CASD1: variants seen among roughly 807,000 people sequenced by gnomAD.
CASD1 encodes CAS1 domain sialic acid O acetyltransferase 1, also known as N-acetylneuraminate (7)9-O-acetyltransferase.
CASD1 carries 41 observed loss-of-function variants against 100.0 expected under a neutral mutation model. The ratio of observed to expected loss-of-function variants is 0.41; its 90% CI spans 0.32 to 0.53. CASD1 has a LOEUF of 0.53. Among genes scored for constraint, CASD1 ranks in the 20% least tolerant of loss-of-function variants. The pLI is 0.25. For synonymous variants in CASD1, 321 were observed against 315.6 expected (o/e 1.02, Z -0.18); for missense variants, 774 against 948.7 (o/e 0.82, Z 2.42).
At position 94,519,782 on chromosome 7, in the gene CASD1, C is replaced by T. The variant is rs574189365; in HGVS notation, c.351+1459C>T. On this transcript the variant is annotated intron_variant, in intron 3 of 17. Transcript: ENST00000297273. ...TTGGCCTCCCAAAGTGCTGGAATTA[C>T]AGGCATGAGCCACTGTGCCCAGCCT... Among the ~76,000 whole-genome samples the T allele has an allele frequency of 3.9e-5, 6 of 152,326 alleles. No individual in the cohort carries two copies. In the East Asian group the frequency reaches 9.6e-4, roughly 24 times the overall value.
chr7:94,533,853 G>C, intron 7 of CASD1, 51 bp downstream of exon 7: 1 of 1,437,030 alleles, frequency 7.0e-7, no homozygotes, highest in Non-Finnish European at 9.2e-7. Flanking sequence ...TTTGAAGCAT[G>C]GGTTTTTATT....
intron 13 of CASD1, among the ~76,000 whole-genome samples, chr7:94,548,983 G>A (rs532778494): frequency 4.9e-4 from 75 of 151,884 alleles, no homozygotes; most frequent in African/African-American, 1.8e-3. Flanking sequence ...ATGGAATTTG[G>A]GTATGGTTGA....
chr7:94,576,463 T>C, the CASD1 span, among the ~76,000 whole-genome samples: 3 of 152,212 alleles, frequency 2.0e-5, no homozygotes, highest in Non-Finnish European at 4.4e-5. Context: ...ACACCTGTTT[T>C]TGTATGATTA....
chr7:94,584,774 G>A, the CASD1 span, among the ~76,000 whole-genome samples: 1 of 152,116 alleles, frequency 6.6e-6, no homozygotes, highest in Admixed American at 6.5e-5. Flanking sequence ...TGGGGTTTTG[G>A]AGCTAACTGA....
At chr7:94,627,156 A>G in the CASD1 span, 4 of 152,088 alleles carry the variant, frequency 2.6e-5, no homozygotes, top group Non-Finnish European at 4.4e-5. Flanking sequence ...ACAAACTTCA[A>G]TTCCAACTGA....
chr7:94,544,865 T>G (rs1795599239), intron 11 of CASD1, among the ~76,000 whole-genome samples: 1 of 152,092 alleles, frequency 6.6e-6, no homozygotes, highest in African/African-American at 2.4e-5. Context: ...TTAATTAAGT[T>G]TCTACCTAGT....
the CASD1 span, chr7:94,616,785 AT>A: frequency 6.6e-6 from 1 of 152,154 alleles, no homozygotes; most frequent in African/African-American, 2.4e-5. Context: ...GTAAGATTTT[AT>A]TTTATGAGTG....
the CASD1 span, chr7:94,628,666 G>T: frequency 2.9e-6 from 1 of 345,552 alleles, no homozygotes; most frequent in Non-Finnish European, 5.4e-6. Flanking sequence ...TCTTTCAGGA[G>T]AATTCCCTAA....
chr7:94,518,138 G>A (rs780410954), intron 2 of CASD1, 65 bp from the exon 3 acceptor site: 1 of 1,397,544 alleles, frequency 7.2e-7, no homozygotes, highest in African/African-American at 1.5e-5. Flanking sequence ...CAAAAACGGT[G>A]TGCTTTGAAA....
At chr7:94,573,879 T>C in the CASD1 span, among the ~76,000 whole-genome samples, 1 of 152,202 alleles carries the variant, frequency 6.6e-6, no homozygotes, top group South Asian at 2.1e-4. Context: ...CATAGATGGC[T>C]CTCATTATTT....
At chr7:94,524,852 GAT>G (rs1387131503) in intron 3 of CASD1, among the ~76,000 whole-genome samples, 2 of 152,042 alleles carry the variant, frequency 1.3e-5, no homozygotes, top group Non-Finnish European at 2.9e-5. Context: ...GAGATTAAGA[GAT>G]GTGACAACTA....
chr7:94,516,608 C>T (rs1793987921), intron 1 of CASD1, among the ~76,000 whole-genome samples: 1 of 152,040 alleles, frequency 6.6e-6, no homozygotes, highest in African/African-American at 2.4e-5. Context: ...TTAACCTAAA[C>T]ATCTAATTCT....
At chr7:94,562,147 T>G in the CASD1 span, among the ~76,000 whole-genome samples, 453 of 152,304 alleles carry the variant, frequency 3.0e-3, 3 homozygotes, top group African/African-American at 0.01. Flanking sequence ...CTATCTTAGG[T>G]ACATTGTGAG....
At chr7:94,611,641 G>T in the CASD1 span, among the ~76,000 whole-genome samples, 9 of 152,122 alleles carry the variant, frequency 5.9e-5, no homozygotes, top group African/African-American at 2.2e-4. Context: ...TAGGTGCATT[G>T]TATGATATGT....
the CASD1 span, among the ~76,000 whole-genome samples, chr7:94,571,890 A>G: frequency 6.6e-6 from 1 of 152,002 alleles, no homozygotes; most frequent in South Asian, 2.1e-4. Context: ...AAAAATGGTC[A>G]GAAGATGAAG....
the CASD1 span, among the ~76,000 whole-genome samples, chr7:94,586,083 A>AAC: frequency 6.6e-6 from 1 of 150,796 alleles, no homozygotes; most frequent in Non-Finnish European, 1.5e-5. Context: ...AAAAAAAAAA[A>AAC]AAAACAACAA....
chr7:94,518,131 A>G, intron 2 of CASD1, 72 bp from the exon 3 acceptor site: 1 of 1,385,300 alleles, frequency 7.2e-7, no homozygotes, highest in South Asian at 1.6e-5. Context: ...CTTTCTTCAA[A>G]AACGGTGTGC....
chr7:94,573,415 T>C, the CASD1 span, among the ~76,000 whole-genome samples: 1 of 152,178 alleles, frequency 6.6e-6, no homozygotes, highest in Non-Finnish European at 1.5e-5. Flanking sequence ...AGCAGTGTTT[T>C]GTAATTCTCA....
In CASD1 at chr7:94,551,223, A is replaced by G. The variant is rs766161217; in HGVS notation, c.1816-115A>G. ...CTTGAAGTCCTTCATAGACACTTCAAACTTTAAGCTTTTAACCTACCTACT... is the reference window on the plus strand; with the variant it reads ...CTTGAAGTCCTTCATAGACACTTCAGACTTTAAGCTTTTAACCTACCTACT... On this transcript the variant is annotated intron_variant, in intron 14 of 17. Coordinates refer to ENST00000297273, the MANE Select transcript of CASD1 (RefSeq NM_022900.5). 22 of 732,088 alleles carry G rather than the reference A, an allele frequency of 3.0e-5. No individual in the cohort carries two copies. The African/African-American group carries it at 3.2e-4, about 11-fold the overall frequency. The allele number at this position is 732,088 out of a possible 1,614,324, so 45.3% of individuals were successfully genotyped here. A position where few individuals can be genotyped will look rare whatever the true frequency, so the allele number is the denominator to read the frequency against.
Sources: allele counts gnomAD v4.1 joint callset (sites outside exome capture counted in the v4.1 genomes callset), GRCh38; gene constraint gnomAD v4.1.1; transcripts MANE v1.5; gene names NCBI Gene and HGNC (gene_info 2026-07-23, HGNC 2026-07-21).